KCNQ3: variants seen among roughly 807,000 people sequenced by gnomAD.
The protein encoded by KCNQ3 is potassium voltage-gated channel subfamily KQT member 3.
In KCNQ3, 30 loss-of-function variants were observed where a neutral mutation model predicts 92.5. The ratio of observed to expected loss-of-function variants is 0.32; its 90% CI spans 0.24 to 0.44. The LOEUF (loss-of-function observed/expected upper bound fraction) is 0.44. Ranked by LOEUF, KCNQ3 falls within the 20% of genes least tolerant of loss-of-function variation. KCNQ3 has a pLI of 1.00. For missense variants in KCNQ3, 913 were observed against 1,140.3 expected (o/e 0.80, Z 2.87); for synonymous variants, 450 against 468.8 (o/e 0.96, Z 0.52).
intron 1 of KCNQ3, among the ~76,000 whole-genome samples, chr8:132,246,927 C>T (rs1323272983): frequency 6.6e-6 from 1 of 152,122 alleles, no homozygotes; most frequent in Non-Finnish European, 1.5e-5. Flanking sequence ...TACTGGCAGC[C>T]CCATCATAAA....
At chr8:132,174,549 C>CT (rs1826484936) in intron 5 of KCNQ3, among the ~76,000 whole-genome samples, 200 bp from the exon 6 acceptor site, 1 of 152,198 alleles carries the variant, frequency 6.6e-6, no homozygotes, top group African/African-American at 2.4e-5. Context: ...TAAGGGTTTC[C>CT]TACCTTAGTC....
At chr8:132,334,448 A>G (rs1265963586) in intron 1 of KCNQ3, among the ~76,000 whole-genome samples, 1 of 152,210 alleles carries the variant, frequency 6.6e-6, no homozygotes, top group African/African-American at 2.4e-5. Context: ...AAAATGTCAC[A>G]GTTAACTTAT....
intron 1 of KCNQ3, among the ~76,000 whole-genome samples, chr8:132,197,207 G>C (rs1488717192): frequency 6.6e-6 from 1 of 152,134 alleles, no homozygotes; most frequent in African/African-American, 2.4e-5. Flanking sequence ...AGTATTCCCA[G>C]ATTCATCCAA....
chr8:132,262,501 GA>G (rs1815820543), intron 1 of KCNQ3, among the ~76,000 whole-genome samples: 1 of 152,146 alleles, frequency 6.6e-6, no homozygotes. Flanking sequence ...TAATAAGCAA[GA>G]AACCTCTGAG....
chr8:132,345,693 T>A lies in KCNQ3; in HGVS notation c.386+134454A>T, dbSNP rs761787638. 1.3e-4 allele frequency among the ~76,000 whole-genome samples: 20 copies of A among 152,318 alleles called. No individual in the cohort carries two copies. In the Middle Eastern group the frequency reaches 0.014, roughly 104 times the overall value. ...AGTCTCATTACCCCTATCTCTGAAATGCAAGTCTTGGAGGGTGGTGGGGAA... is the reference window on the plus strand; with the variant it reads ...AGTCTCATTACCCCTATCTCTGAAAAGCAAGTCTTGGAGGGTGGTGGGGAA... On this transcript the variant is annotated intron_variant, in intron 1 of 14. Transcript: ENST00000388996.
chr8:132,174,522 G>C (rs1338374438), intron 5 of KCNQ3, among the ~76,000 whole-genome samples, 173 bp from the exon 6 acceptor site: 1 of 152,196 alleles, frequency 6.6e-6, no homozygotes, highest in Non-Finnish European at 1.5e-5. Flanking sequence ...TGGATGCCTT[G>C]AGACTTGTTG....
chr8:132,432,606 G>C (rs941933121), intron 1 of KCNQ3, among the ~76,000 whole-genome samples: 3 of 152,044 alleles, frequency 2.0e-5, no homozygotes, highest in African/African-American at 7.2e-5. Context: ...GACCCTTCCA[G>C]TGCAAAGCCA....
chr8:132,346,439 CGGGA>C (rs1818691237), intron 1 of KCNQ3, among the ~76,000 whole-genome samples: 2 of 152,112 alleles, frequency 1.3e-5, no homozygotes, highest in African/African-American at 4.8e-5. Flanking sequence ...TTCCAAAGGT[CGGGA>C]TGACTCAGCA....
At chr8:132,207,985 T>C (rs1423268235) in intron 1 of KCNQ3, among the ~76,000 whole-genome samples, 10 of 151,748 alleles carry the variant, frequency 6.6e-5, no homozygotes, top group Non-Finnish European at 1.3e-4. Context: ...AGACAGCTTC[T>C]GCTTGCTCAG....
intron 1 of KCNQ3, among the ~76,000 whole-genome samples, chr8:132,355,817 G>A (rs16904670): frequency 0.061 from 9,356 of 152,198 alleles, 491 homozygotes; most frequent in African/African-American, 0.14. Flanking sequence ...AGGCTTACTG[G>A]ACCTCTGAGA....
At chr8:132,404,644 A>G (rs1393177274) in intron 1 of KCNQ3, among the ~76,000 whole-genome samples, 1 of 151,426 alleles carries the variant, frequency 6.6e-6, no homozygotes, top group African/African-American at 2.4e-5. Flanking sequence ...GACATAGCCA[A>G]CTCCTTGCAA....
chr8:132,448,502 G>GA, intron 1 of KCNQ3, among the ~76,000 whole-genome samples: 8,365 of 93,780 alleles, frequency 0.089, 345 homozygotes, highest in Non-Finnish European at 0.11. Context: ...GGAGAAATAT[G>GA]AAAAAAAAAA....
intron 4 of KCNQ3, among the ~76,000 whole-genome samples, chr8:132,176,702 C>T (rs556231748): frequency 7.9e-5 from 12 of 152,284 alleles, no homozygotes; most frequent in Middle Eastern, 3.4e-3. Flanking sequence ...AACCAAAGAG[C>T]ATGGAGTCAT....
intron 1 of KCNQ3, among the ~76,000 whole-genome samples, chr8:132,356,361 G>C (rs1055324007): frequency 6.6e-6 from 1 of 152,188 alleles, no homozygotes; most frequent in African/African-American, 2.4e-5. Flanking sequence ...CAGTGTGACA[G>C]CTTTGATGCC....
intron 1 of KCNQ3, among the ~76,000 whole-genome samples, chr8:132,302,723 CT>C (rs1177547865): frequency 6.6e-6 from 1 of 152,200 alleles, no homozygotes; most frequent in Non-Finnish European, 1.5e-5. Flanking sequence ...ATTTTTTTCT[CT>C]CTCCTGCCCT....
chr8:132,184,385 T>C lies in KCNQ3; in HGVS notation c.478-18A>G. On this transcript the variant is annotated intron_variant, in intron 2 of 14. Coordinates refer to ENST00000388996, the MANE Select transcript of KCNQ3 (RefSeq NM_004519.4). ...AATGTCTCCTGCATGGAAGAGCATATGGAGAGGCACTGATTAACCGAGATC... is the reference window on the plus strand; with the variant it reads ...AATGTCTCCTGCATGGAAGAGCATACGGAGAGGCACTGATTAACCGAGATC... 2 of 1,613,594 alleles carry C rather than the reference T, an allele frequency of 1.2e-6. No homozygotes were observed. The highest frequency in any genetic ancestry group is 1.7e-6 in the Non-Finnish European group (2 of 1,179,848).
Position 132,431,481 on chromosome 8 carries a change from A to C in KCNQ3, c.386+48666T>G, listed in dbSNP as rs1386252003. ...TCTAGGGAGGTCGGTGATGTCCCTG[A>C]ATCTCCTGGGCCAGCTCATCTCAGA... On this transcript the variant is annotated intron_variant, in intron 1 of 14. Transcript: ENST00000388996. Among the ~76,000 whole-genome samples, 3 of 152,156 alleles carry C rather than the reference A, an allele frequency of 2.0e-5. No individual in the cohort carries two copies. The East Asian group carries it at 5.8e-4, about 29-fold the overall frequency.
intron 11 of KCNQ3, 82 bp from the exon 12 acceptor site, chr8:132,138,098 C>A (rs1825166058): frequency 6.6e-7 from 1 of 1,506,718 alleles, no homozygotes; most frequent in African/African-American, 1.4e-5. Context: ...AACTCCAGGG[C>A]AGGGGGAGAA....
chr8:132,239,034 T>A (rs1034447622), intron 1 of KCNQ3, among the ~76,000 whole-genome samples: 3 of 152,250 alleles, frequency 2.0e-5, no homozygotes, highest in African/African-American at 7.2e-5. Flanking sequence ...ACTCATTAAT[T>A]GATGGACCCA....
Sources: allele counts gnomAD v4.1 joint callset (sites outside exome capture counted in the v4.1 genomes callset), GRCh38; gene constraint gnomAD v4.1.1; transcripts MANE v1.5; gene names NCBI Gene and HGNC (gene_info 2026-07-23, HGNC 2026-07-21).